DLGAP1: variants seen among roughly 807,000 people sequenced by gnomAD.
DLGAP1 encodes the protein DLG associated protein 1, also known as disks large-associated protein 1.
DLGAP1 carries 11 observed loss-of-function variants against 90.8 expected under a neutral mutation model. The observed-to-expected ratio is 0.12, with a 90% CI of 0.08 to 0.20. The LOEUF (loss-of-function observed/expected upper bound fraction) is 0.20, where lower values mean the gene tolerates loss of function less well. Among genes scored for constraint, DLGAP1 ranks in the 10% least tolerant of loss-of-function variants. DLGAP1 has a pLI of 1.00. For missense variants in DLGAP1, 1,050 were observed against 1,333.8 expected (o/e 0.79, Z 3.31); for synonymous variants, 558 against 540.7 (o/e 1.03, Z -0.44).
chr18:4,064,504 A>T (rs2075344256), intron 2 of DLGAP1, among the ~76,000 whole-genome samples: 1 of 152,100 alleles, frequency 6.6e-6, no homozygotes, highest in Admixed American at 6.6e-5. Context: ...AGAAATGATA[A>T]GGGGGACATC....
Position 3,502,639 on chromosome 18 carries a change from T to C in DLGAP1, c.2578A>G (p.Asn860Asp). The change falls in exon 12 of 13, where the codon AAT (asparagine) becomes GAT (aspartate). Residue 860 changes from asparagine (N) to aspartate (D), a missense_variant. This residue lies in a region of DLGAP1 where 565 missense variants were observed against 879.7 expected (regional missense o/e 0.64). Coordinates refer to ENST00000315677, the MANE Select transcript of DLGAP1 (RefSeq NM_004746.4). ...RELCEENLNPNAHPRPTSQDL... is the reference protein window; with the variant it reads ...RELCEENLNPDAHPRPTSQDL... ...TGGGAGGTGGGTCTTGGATGAGCAT[T>C]AGGATTCTGCACAAGAGAAAGAAAA... 6.2e-7 allele frequency: 1 copy of C among 1,612,358 alleles called. No individual in the cohort carries two copies. The highest frequency in any genetic ancestry group is 1.1e-5 in the South Asian group (1 of 90,600).
At position 4,312,507 on chromosome 18, in the gene DLGAP1, T is replaced by G. The variant is rs1295456169; in HGVS notation, c.-267+142499A>C. 2.6e-5 allele frequency among the ~76,000 whole-genome samples: 4 copies of G among 152,294 alleles called. No individual in the cohort carries two copies. In the East Asian group the frequency reaches 7.7e-4, roughly 29 times the overall value. On this transcript the variant is annotated intron_variant, in intron 1 of 12. Coordinates refer to ENST00000315677, the MANE Select transcript of DLGAP1 (RefSeq NM_004746.4). ...AACTAACAATAATTCAACTTATAAT[T>G]TTTGACTTTAAGTTTGTCAGGGTGT...
chr18:3,511,539 T>C (rs986610400), intron 10 of DLGAP1, among the ~76,000 whole-genome samples: 1 of 151,330 alleles, frequency 6.6e-6, no homozygotes, highest in Non-Finnish European at 1.5e-5. Flanking sequence ...AAATGTTCAA[T>C]ACCAACCTTC....
At chr18:3,874,578 C>T (rs1325384544) in intron 4 of DLGAP1, 2 of 1,508,216 alleles carry the variant, frequency 1.3e-6, no homozygotes, top group Non-Finnish European at 1.8e-6. Context: ...CTCTGAACCT[C>T]TTCCTATTTT....
At chr18:3,502,887 T>C (rs1038029579) in intron 11 of DLGAP1, among the ~76,000 whole-genome samples, 4 of 152,080 alleles carry the variant, frequency 2.6e-5, no homozygotes, top group African/African-American at 9.7e-5. Context: ...ATCAATTCAA[T>C]ATGGTATGGG....
chr18:3,869,041 A>T (rs2070577794), intron 4 of DLGAP1, among the ~76,000 whole-genome samples: 1 of 152,156 alleles, frequency 6.6e-6, no homozygotes, highest in African/African-American at 2.4e-5. Context: ...GACACCTCCT[A>T]TGACTGTTAT....
At chr18:4,247,011 C>T (rs991880090) in intron 1 of DLGAP1, among the ~76,000 whole-genome samples, 2 of 152,004 alleles carry the variant, frequency 1.3e-5, no homozygotes, top group South Asian at 2.1e-4. Flanking sequence ...CTGCTAGTGT[C>T]TAAAATGCTT....
In DLGAP1 at chr18:4,370,068, G is replaced by C. The variant is rs2081882247; in HGVS notation, c.-267+84938C>G. On this transcript the variant is annotated intron_variant, in intron 1 of 12. Transcript: ENST00000315677. ...AGCTTTAGACTGGAAGAGAAAAAAG[G>C]CAAAGACTCAGGTGTTAGGACACAG... Among the ~76,000 whole-genome samples, 3 of 152,120 alleles carry C rather than the reference G, an allele frequency of 2.0e-5. No individual in the cohort carries two copies. In the South Asian group the frequency reaches 6.2e-4, roughly 32 times the overall value.
chr18:3,973,290 CAAAAAAAAAA>C (rs3031700), intron 3 of DLGAP1, among the ~76,000 whole-genome samples: 2 of 134,880 alleles, frequency 1.5e-5, no homozygotes, highest in African/African-American at 5.6e-5. Context: ...TAGCCATAGC[CAAAAAAAAAA>C]AAAAAAAAAG....
intron 10 of DLGAP1, among the ~76,000 whole-genome samples, chr18:3,529,203 G>A (rs2051835344): frequency 6.6e-6 from 1 of 152,136 alleles, no homozygotes; most frequent in Admixed American, 6.5e-5. Context: ...TGGTCACAGG[G>A]GCAGAGTCCT....
chr18:4,390,166 G>GA (rs5822813), intron 1 of DLGAP1, among the ~76,000 whole-genome samples: 128,770 of 147,200 alleles, frequency 0.87, 57,112 homozygotes, highest in East Asian at 0.99. Context: ...CAAATTGTGT[G>GA]AAAAAAAAAA....
Position 3,660,910 on chromosome 18 carries a change from C to T in DLGAP1, c.1591+68225G>A, listed in dbSNP as rs188135976. Among the ~76,000 whole-genome samples the T allele has an allele frequency of 6.6e-6, 1 of 152,258 alleles. No individual in the cohort carries two copies. Among genetic ancestry groups the T allele is most frequent in the Non-Finnish European group, 1.5e-5 (1 of 68,012 alleles). ...GTCATCACCCTGGGCCAAATTATGA[C>T]AGCAATGTTCACAGGAAACTGTATG... On this transcript the variant is annotated intron_variant, in intron 7 of 12. Coordinates refer to ENST00000315677, the MANE Select transcript of DLGAP1 (RefSeq NM_004746.4). This position sits in a 1 kb window ranked among gnomAD's most constrained non-coding sequence, Gnocchi z 4.2.
chr18:3,837,849 C>CAAAAAAAAAAAA lies in DLGAP1; in HGVS notation c.958-23588_958-23577dup. 2.0e-3 allele frequency among the ~76,000 whole-genome samples: 53 copies of CAAAAAAAAAAAA among 26,822 alleles called. 8 individuals carry two copies. Among genetic ancestry groups the CAAAAAAAAAAAA allele is most frequent in the Admixed American group, 3.7e-3 (5 of 1,350 alleles). The allele number at this position is 26,822 out of a possible 152,430, so 17.6% of individuals were successfully genotyped here. A position where few individuals can be genotyped will look rare whatever the true frequency, so the allele number is the denominator to read the frequency against. ...CCTGGGCGACAGAGTGAGATTCTGT[C>CAAAAAAAAAAAA]AAAAAAAAAAAAAAAAAAAAAAAAA... On this transcript the variant is annotated intron_variant, in intron 4 of 12. Transcript: ENST00000315677.
At chr18:4,097,723 T>C (rs553002282) in intron 2 of DLGAP1, among the ~76,000 whole-genome samples, 26 of 152,372 alleles carry the variant, frequency 1.7e-4, no homozygotes, top group African/African-American at 6.3e-4. Flanking sequence ...CAGCAGAGCT[T>C]CTTAACTTGC....
chr18:3,976,768 A>G (rs540231064), intron 3 of DLGAP1, among the ~76,000 whole-genome samples: 27 of 152,374 alleles, frequency 1.8e-4, no homozygotes, highest in Admixed American at 2.6e-4. Flanking sequence ...CATTTAATAT[A>G]CAAGACAAAT....
At chr18:4,371,075 C>A (rs998252300) in intron 1 of DLGAP1, among the ~76,000 whole-genome samples, 4 of 152,230 alleles carry the variant, frequency 2.6e-5, no homozygotes, top group Admixed American at 1.3e-4. Flanking sequence ...GGTAGCATGA[C>A]CAGTAGAGAA....
At chr18:4,188,687 C>T (rs942685375) in intron 1 of DLGAP1, among the ~76,000 whole-genome samples, 7 of 152,106 alleles carry the variant, frequency 4.6e-5, no homozygotes, top group East Asian at 1.9e-4. Context: ...GGTGTAGGTG[C>T]GCCACATTTC....
At chr18:3,576,508 C>T (rs1188034138) in intron 8 of DLGAP1, among the ~76,000 whole-genome samples, 1 of 151,724 alleles carries the variant, frequency 6.6e-6, no homozygotes, top group Non-Finnish European at 1.5e-5. Context: ...ATCCGCCTGC[C>T]TTGACCTCCC....
At chr18:4,107,172 C>T (rs2075882993) in intron 2 of DLGAP1, among the ~76,000 whole-genome samples, 1 of 152,220 alleles carries the variant, frequency 6.6e-6, no homozygotes, top group Admixed American at 6.5e-5. Context: ...GCAAAACACA[C>T]ATGGTGCTTA....
Sources: allele counts gnomAD v4.1 joint callset (sites outside exome capture counted in the v4.1 genomes callset), GRCh38; gene constraint gnomAD v4.1.1; regional missense constraint gnomAD v4.1.1; non-coding constraint Gnocchi (gnomAD v3.1); transcripts MANE v1.5; gene names NCBI Gene and HGNC (gene_info 2026-07-23, HGNC 2026-07-21).